Variants in USP24 observed in about 807,000 individuals in gnomAD.
The protein encoded by USP24 is ubiquitin carboxyl-terminal hydrolase 24.
A neutral mutation model predicts 361.6 loss-of-function variants in USP24; 97 were observed. The ratio of observed to expected loss-of-function variants is 0.27; its 90% CI spans 0.23 to 0.32. USP24 has a LOEUF of 0.32. Among genes scored for constraint, USP24 ranks in the 10% least tolerant of loss-of-function variants. USP24 has a pLI of 1.00. For synonymous variants in USP24, 1,098 were observed against 1,124.6 expected (o/e 0.98, Z 0.47); for missense variants, 2,353 against 3,165.6 (o/e 0.74, Z 6.16).
chr1:55,158,877 CTTCT>C lies in USP24; in HGVS notation c.1224_1227del (p.Glu409Ter). On this transcript the variant is annotated frameshift_variant and splice_region_variant, in exon 10 of 68. Coordinates refer to ENST00000294383, the MANE Select transcript of USP24 (RefSeq NM_015306.3). LOFTEE classifies it high-confidence loss of function. ...CTTGTAGAAACAAATGAAAAACTTA[CTTCT>C]TTGAGAGAATTCATCTTAGCACTGA... is the stretch of plus-strand genomic sequence containing the variant. 1.3e-6 allele frequency: 2 copies of C among 1,500,656 alleles called. No individual in the cohort carries two copies. Among genetic ancestry groups the C allele is most frequent in the Non-Finnish European group, 1.8e-6 (2 of 1,115,036 alleles). The allele number at this position is 1,500,656 out of a possible 1,614,324, so 93.0% of individuals were successfully genotyped here.
At position 55,066,991 on chromosome 1, in the gene USP24, A is replaced by G. The variant is rs1260670055; in HGVS notation, c.*2054T>C. ...AATCAAGTGGTTACCAGCAAAGTGAAAACGATGGTCATTGCAGCAACAATA... is the reference window on the plus strand; with the variant it reads ...AATCAAGTGGTTACCAGCAAAGTGAGAACGATGGTCATTGCAGCAACAATA... On this transcript the variant is annotated 3_prime_UTR_variant, in exon 68 of 68. Transcript: ENST00000294383. 1 of 152,206 alleles carries G rather than the reference A, an allele frequency of 6.6e-6. No individual in the cohort carries two copies. Among genetic ancestry groups the G allele is most frequent in the East Asian group, 1.9e-4 (1 of 5,200 alleles). The allele number at this position is 152,206 out of a possible 1,614,324, so 9.4% of individuals were successfully genotyped here.
At chr1:55,081,474 T>C (rs1487823795) in intron 58 of USP24, 50 bp from the exon 59 acceptor site, 6 of 1,537,238 alleles carry the variant, frequency 3.9e-6, no homozygotes, top group Non-Finnish European at 5.4e-6. Context: ...TCAGAAATAA[T>C]ATGAAGAGGA....
chr1:55,176,083 C>G (rs913482315), intron 3 of USP24, among the ~76,000 whole-genome samples: 3 of 151,958 alleles, frequency 2.0e-5, no homozygotes, highest in African/African-American at 4.8e-5. Flanking sequence ...TCTATTAAGT[C>G]TAGTATAATT....
intron 1 of USP24, among the ~76,000 whole-genome samples, chr1:55,202,278 G>A (rs1315507927): frequency 3.3e-5 from 5 of 151,992 alleles, no homozygotes; most frequent in Admixed American, 6.6e-5. Flanking sequence ...GATATTTGCC[G>A]TCATTACTGT....
rs558870605 is a variant in USP24, at chr1:55,160,787, T to C, written c.994-1102A>G. ...TATTTATGCTAAATTCTCTTCCACATAGCAAGGCATGAGCAAAGAGCATGT... is the reference window on the plus strand; with the variant it reads ...TATTTATGCTAAATTCTCTTCCACACAGCAAGGCATGAGCAAAGAGCATGT... On this transcript the variant is annotated intron_variant, in intron 8 of 67. Transcript: ENST00000294383. 5.9e-5 allele frequency among the ~76,000 whole-genome samples: 9 copies of C among 152,264 alleles called. No individual in the cohort carries two copies. The South Asian group carries it at 1.7e-3, about 28-fold the overall frequency.
chr1:55,167,517 G>A (rs1230040974), intron 5 of USP24, among the ~76,000 whole-genome samples: 4 of 152,112 alleles, frequency 2.6e-5, no homozygotes, highest in South Asian at 2.1e-4. Flanking sequence ...CAACAGAAGC[G>A]TTTTCAGGAA....
intron 67 of USP24, among the ~76,000 whole-genome samples, chr1:55,069,649 TGA>T (rs1644879850): frequency 1.3e-5 from 2 of 149,044 alleles, no homozygotes. Flanking sequence ...CTAAGCTGAG[TGA>T]GAGTTGGGGG....
At chr1:55,162,342 T>C in intron 7 of USP24, 78 bp from the exon 8 acceptor site, 9 of 1,308,340 alleles carry the variant, frequency 6.9e-6, no homozygotes, top group Non-Finnish European at 9.2e-6. Context: ...TCCCTTTTCA[T>C]GTATCAGAGA....
At chr1:55,131,200 T>C (rs552923615) in intron 31 of USP24, among the ~76,000 whole-genome samples, 1 of 152,274 alleles carries the variant, frequency 6.6e-6, no homozygotes, top group African/African-American at 2.4e-5. Context: ...CCTAGGCAAT[T>C]TTCTGTTTTG....
chr1:55,099,413 C>T (rs551019031), intron 45 of USP24, among the ~76,000 whole-genome samples: 35 of 152,098 alleles, frequency 2.3e-4, no homozygotes, highest in African/African-American at 8.4e-4. Flanking sequence ...CAAAAATTAG[C>T]CGGGCGTGGT....
At chr1:55,077,149 T>C in intron 62 of USP24, 86 bp downstream of exon 62, 2 of 1,214,844 alleles carry the variant, frequency 1.6e-6, no homozygotes, top group Non-Finnish European at 2.2e-6. Context: ...GGAGAAATAA[T>C]AAAAAGACAT....
At position 55,166,226 on chromosome 1, in the gene USP24, A is replaced by C. The variant is rs756343238; in HGVS notation, c.862-276T>G. On this transcript the variant is annotated intron_variant, in intron 6 of 67. Transcript: ENST00000294383. Reference sequence around the variant, plus strand: ...GACTGCAGTCATCCTATTGTACTACACATATTAATTTTAAAATATTATATA... The same window carrying C: ...GACTGCAGTCATCCTATTGTACTACCCATATTAATTTTAAAATATTATATA... 7.9e-5 allele frequency among the ~76,000 whole-genome samples: 12 copies of C among 151,778 alleles called. No homozygotes were observed. The South Asian group carries it at 1.9e-3, about 24-fold the overall frequency.
chr1:55,075,383 G>T, intron 63 of USP24, 74 bp downstream of exon 63: 1 of 1,389,548 alleles, frequency 7.2e-7, no homozygotes, highest in Non-Finnish European at 9.9e-7. Flanking sequence ...GTAGCAGGAG[G>T]CAGAACTGGC....
At chr1:55,181,398 A>G (rs78357764) in intron 1 of USP24, among the ~76,000 whole-genome samples, 1,962 of 152,340 alleles carry the variant, frequency 0.013, 37 homozygotes, top group African/African-American at 0.045. Context: ...GGAAAAATTC[A>G]GTTTTTAAAG....
At chr1:55,092,740 G>C in intron 53 of USP24, 81 bp downstream of exon 53, 2 of 1,046,106 alleles carry the variant, frequency 1.9e-6, no homozygotes, top group South Asian at 3.1e-5. Flanking sequence ...CTGAGACTGA[G>C]GATGAATCAC....
At chr1:55,181,925 T>C (rs926238131) in intron 1 of USP24, among the ~76,000 whole-genome samples, 23 of 152,074 alleles carry the variant, frequency 1.5e-4, no homozygotes, top group Non-Finnish European at 1.8e-4. Flanking sequence ...TGTGTCTTAA[T>C]GAGAAGGGGA....
At chr1:55,114,375 A>G (rs1407665513) in intron 38 of USP24, among the ~76,000 whole-genome samples, 1 of 152,226 alleles carries the variant, frequency 6.6e-6, no homozygotes, top group Non-Finnish European at 1.5e-5. Context: ...CTTTCTTCAC[A>G]GAATTAGAGA....
chr1:55,178,501 T>C (rs1309884501), intron 1 of USP24, among the ~76,000 whole-genome samples: 1 of 151,992 alleles, frequency 6.6e-6, no homozygotes. Context: ...ACCCCGTCTC[T>C]ATTAAAAATA....
Position 55,077,277 on chromosome 1 carries a change from A to T in USP24, c.7338T>A (p.Pro2446=). The change falls in exon 62 of 68, where the codon CCT becomes CCA. Residue 2446 remains proline, a synonymous_variant. Transcript: ENST00000294383. ...FIKNQLETAP[P]HELKNTFQLL... Reference sequence around the variant, plus strand: ...GTTGGAACGTATTCTTTAACTCATGAGGTGGAGCCGTTTCTAGTTGGTTCT... The same window carrying T: ...GTTGGAACGTATTCTTTAACTCATGTGGTGGAGCCGTTTCTAGTTGGTTCT... 6.4e-7 allele frequency: 1 copy of T among 1,566,774 alleles called. No individual in the cohort carries two copies. The highest frequency in any genetic ancestry group is 8.7e-7 in the Non-Finnish European group (1 of 1,152,188).
Sources: gnomAD v4.1 joint callset for allele counts (sites outside exome capture counted in the v4.1 genomes callset) on GRCh38, gnomAD v4.1.1 for gene constraint, MANE v1.5 for transcripts, NCBI Gene and HGNC (gene_info 2026-07-23, HGNC 2026-07-21) for gene names.